RCAN1: variants seen among roughly 807,000 people sequenced by gnomAD.
RCAN1 encodes the protein regulator of calcineurin 1.
Under a neutral mutation model 22.9 loss-of-function variants are expected in RCAN1, and 11 were observed. That is an observed-to-expected ratio of 0.48 (90% confidence interval 0.30 to 0.79). The LOEUF (loss-of-function observed/expected upper bound fraction) is 0.79. Among genes scored for constraint, RCAN1 ranks in the 30% least tolerant of loss-of-function variants. The pLI, the probability that RCAN1 is intolerant of heterozygous loss-of-function variation, is 0.06. For missense variants in RCAN1, 291 were observed against 337.8 expected (o/e 0.86, Z 1.09); for synonymous variants, 136 against 142.3 (o/e 0.96, Z 0.32).
intron 1 of RCAN1, among the ~76,000 whole-genome samples, chr21:34,577,616 CAAACA>C: frequency 6.6e-6 from 1 of 152,120 alleles, no homozygotes; most frequent in Middle Eastern, 3.4e-3. Flanking sequence ...AACAAACAAA[CAAACA>C]AAAGATCACT....
At position 34,615,083 on chromosome 21, in the gene RCAN1, C is replaced by T; in HGVS notation, c.-72G>A. 2.0e-6 allele frequency: 2 copies of T among 1,004,624 alleles called. No individual in the cohort carries two copies. Among genetic ancestry groups the T allele is most frequent in the Non-Finnish European group, 2.4e-6 (2 of 842,888 alleles). 62.2% of individuals were successfully genotyped at this position (1,004,624 alleles called of 1,614,324 possible). ...TTGCGCGCCGGAGCCTCACGCGCTCCGGTCCGCGCCCGGCCGGCGGCTCCG... is the reference window on the plus strand; with the variant it reads ...TTGCGCGCCGGAGCCTCACGCGCTCTGGTCCGCGCCCGGCCGGCGGCTCCG... On this transcript the variant is annotated 5_prime_UTR_variant, in exon 1 of 4. Coordinates refer to ENST00000313806, the MANE Select transcript of RCAN1 (RefSeq NM_004414.7).
At chr21:34,563,237 C>A (rs1350818840) in intron 1 of RCAN1, among the ~76,000 whole-genome samples, 1 of 152,086 alleles carries the variant, frequency 6.6e-6, no homozygotes, top group Non-Finnish European at 1.5e-5. Context: ...GCCAATCTGA[C>A]AGAATATTTT....
At chr21:34,531,897 A>AC (rs1242577582) in intron 1 of RCAN1, among the ~76,000 whole-genome samples, 1 of 150,616 alleles carries the variant, frequency 6.6e-6, no homozygotes, top group East Asian at 1.9e-4. Flanking sequence ...GCCAACAATG[A>AC]CCCCCCGTGT....
chr21:34,602,459 C>T (rs538671020), intron 1 of RCAN1, among the ~76,000 whole-genome samples: 2 of 152,358 alleles, frequency 1.3e-5, no homozygotes, highest in East Asian at 3.8e-4. Context: ...CCCTGAATCA[C>T]TTTCCAAACA....
chr21:34,568,085 T>C (rs78751369), intron 1 of RCAN1, among the ~76,000 whole-genome samples: 4,508 of 152,254 alleles, frequency 0.03, 153 homozygotes, highest in East Asian at 0.11. Context: ...GCCTCCTGCT[T>C]GGGACCTCTG....
At chr21:34,580,385 A>C (rs181534156) in intron 1 of RCAN1, among the ~76,000 whole-genome samples, 2 of 152,324 alleles carry the variant, frequency 1.3e-5, no homozygotes, top group Admixed American at 1.3e-4. Context: ...GCTGATATGG[A>C]AACTGGCTGG....
intron 1 of RCAN1, among the ~76,000 whole-genome samples, chr21:34,567,524 C>T (rs1987070022): frequency 6.8e-6 from 1 of 146,634 alleles, no homozygotes; most frequent in African/African-American, 2.5e-5. Context: ...CACTGCACCC[C>T]AGCCTGGAAG....
At chr21:34,535,314 C>T (rs1444105479) in intron 1 of RCAN1, among the ~76,000 whole-genome samples, 1 of 151,986 alleles carries the variant, frequency 6.6e-6, no homozygotes, top group East Asian at 1.9e-4. Flanking sequence ...AGGAAATGGG[C>T]TCAGGAGTGT....
intron 1 of RCAN1, among the ~76,000 whole-genome samples, chr21:34,544,369 G>A (rs181573111): frequency 2.6e-5 from 4 of 152,334 alleles, no homozygotes; most frequent in East Asian, 3.9e-4. Context: ...ACTGAGAGTG[G>A]CCTCAAGGAG....
chr21:34,605,517 A>G (rs1029017140), intron 1 of RCAN1, among the ~76,000 whole-genome samples: 18 of 152,232 alleles, frequency 1.2e-4, no homozygotes, highest in Admixed American at 1.2e-3. Context: ...AACTCATGTG[A>G]ATCTCTGTTT....
intron 1 of RCAN1, chr21:34,526,728 A>G: frequency 6.2e-7 from 1 of 1,613,620 alleles, no homozygotes; most frequent in Non-Finnish European, 8.5e-7. Context: ...CTAAAACTGT[A>G]GTTAAAGTTT....
chr21:34,558,697 C>T lies in RCAN1; in HGVS notation c.253-34987G>A, dbSNP rs150223228. Among the ~76,000 whole-genome samples, 649 of 152,346 alleles carry T rather than the reference C, an allele frequency of 4.3e-3. 3 individuals are homozygous for T. The highest frequency in any genetic ancestry group is 0.015 in the African/African-American group (622 of 41,574). On this transcript the variant is annotated intron_variant, in intron 1 of 3. Coordinates refer to ENST00000313806, the MANE Select transcript of RCAN1 (RefSeq NM_004414.7). ...CTGGTTTTTCAAGGAACCACGGCAT[C>T]TTCAAAAGGACACTGGTTCTAGGAG...
intron 2 of RCAN1, chr21:34,523,104 C>T (rs1234671067): frequency 1.3e-5 from 2 of 154,356 alleles, no homozygotes; most frequent in Non-Finnish European, 2.9e-5. Context: ...CTGCAGACTC[C>T]TGTTTCTCTG....
intron 1 of RCAN1, among the ~76,000 whole-genome samples, chr21:34,539,642 T>G (rs1182664984): frequency 2.0e-5 from 3 of 152,232 alleles, no homozygotes; most frequent in Non-Finnish European, 4.4e-5. Context: ...AGACACAATA[T>G]GTAAGGGTAA....
intron 1 of RCAN1, among the ~76,000 whole-genome samples, chr21:34,533,202 T>A (rs1398363598): frequency 6.6e-6 from 1 of 152,112 alleles, no homozygotes; most frequent in Admixed American, 6.6e-5. Flanking sequence ...CCTCATGATC[T>A]GCCTGCGTTG....
At chr21:34,556,224 G>C (rs1488511031) in intron 1 of RCAN1, among the ~76,000 whole-genome samples, 1 of 150,442 alleles carries the variant, frequency 6.6e-6, no homozygotes, top group Non-Finnish European at 1.5e-5. Context: ...AGGAGTTTCG[G>C]ACCAGCCTGA....
intron 1 of RCAN1, among the ~76,000 whole-genome samples, chr21:34,596,495 C>T (rs1268914653): frequency 6.6e-6 from 1 of 152,138 alleles, no homozygotes; most frequent in Non-Finnish European, 1.5e-5. Flanking sequence ...CCTCCTTGCC[C>T]ACTGGAGCCT....
At chr21:34,542,913 T>G (rs959185103) in intron 1 of RCAN1, among the ~76,000 whole-genome samples, 1 of 152,204 alleles carries the variant, frequency 6.6e-6, no homozygotes, top group Non-Finnish European at 1.5e-5. Context: ...AAGTATGGAC[T>G]CTGGAGCCAG....
chr21:34,557,167 C>T (rs1347513131), intron 1 of RCAN1, among the ~76,000 whole-genome samples: 1 of 152,174 alleles, frequency 6.6e-6, no homozygotes, highest in Non-Finnish European at 1.5e-5. Flanking sequence ...GAGCCGAGAT[C>T]ACGCCACTGC....
Sources: gnomAD v4.1 joint callset for allele counts (sites outside exome capture counted in the v4.1 genomes callset) on GRCh38, gnomAD v4.1.1 for gene constraint, MANE v1.5 for transcripts, NCBI Gene and HGNC (gene_info 2026-07-23, HGNC 2026-07-21) for gene names.